The following RSRC1 variants were observed in gnomAD, a reference collection of about 807,000 sequenced individuals.
The protein encoded by RSRC1 is arginine and serine rich coiled-coil 1.
Under a neutral mutation model 49.1 loss-of-function variants are expected in RSRC1, and 39 were observed. The ratio of observed to expected loss-of-function variants is 0.79; its 90% CI spans 0.61 to 1.04. The LOEUF (loss-of-function observed/expected upper bound fraction) is 1.04. RSRC1 is among the 50% of genes least tolerant of loss of function. The probability of loss-of-function intolerance (pLI) is 0.00; values close to 1 mark genes in which losing one functional copy is unlikely to be tolerated. For missense variants in RSRC1, 388 were observed against 402.4 expected, an observed-to-expected ratio of 0.96 and a Z score of 0.31; for synonymous variants, 143 against 130.8, an observed-to-expected ratio of 1.09 and a Z score of -0.63.
chr3:158,457,224 G>A (rs1215684595), intron 6 of RSRC1, among the ~76,000 whole-genome samples: 1 of 152,102 alleles, frequency 6.6e-6, no homozygotes, highest in Admixed American at 6.5e-5. Flanking sequence ...TGTGAGTATT[G>A]GCAATGAAAT....
intron 3 of RSRC1, among the ~76,000 whole-genome samples, chr3:158,176,887 A>G (rs890394747): frequency 2.0e-5 from 3 of 152,218 alleles, no homozygotes; most frequent in African/African-American, 7.2e-5. Flanking sequence ...AATTTTTGCA[A>G]TCTACCCATC....
chr3:158,197,285 G>T (rs1458411217), intron 3 of RSRC1, among the ~76,000 whole-genome samples: 1 of 152,138 alleles, frequency 6.6e-6, no homozygotes, highest in African/African-American at 2.4e-5. Context: ...TAGTTTATTT[G>T]CATAGAGGTG....
At chr3:158,370,573 G>A (rs767936669) in intron 6 of RSRC1, among the ~76,000 whole-genome samples, 1 of 151,678 alleles carries the variant, frequency 6.6e-6, no homozygotes, top group African/African-American at 2.4e-5. Context: ...TGTTCGTGTC[G>A]TTGTGAGCAT....
intron 6 of RSRC1, among the ~76,000 whole-genome samples, chr3:158,375,204 T>G (rs11718056): frequency 0.43 from 64,346 of 148,782 alleles, 14,788 homozygotes; most frequent in South Asian, 0.6. Context: ...TATTATTAAC[T>G]TATTTTTTTG....
intron 7 of RSRC1, among the ~76,000 whole-genome samples, chr3:158,475,720 A>G (rs908749467): frequency 8.5e-6 from 1 of 118,296 alleles, no homozygotes; most frequent in South Asian, 3.2e-4. Context: ...CTGACTGGCT[A>G]TTCCTCTCTC....
intron 5 of RSRC1, chr3:158,302,667 C>CTTTTTTTTTTTTTTTTT (rs58057548): frequency 1.0e-5 from 1 of 98,110 alleles, no homozygotes; most frequent in Admixed American, 1.4e-4. Context: ...TTTTTTCTTC[C>CTTTTTTTTTTTTTTTTT]TTTTTTTTTT....
chr3:158,242,611 TC>T (rs967867265), intron 4 of RSRC1, among the ~76,000 whole-genome samples: 14 of 152,206 alleles, frequency 9.2e-5, no homozygotes, highest in African/African-American at 3.4e-4. Flanking sequence ...TCTAGGTCTT[TC>T]AGGAGTTGCC....
intron 3 of RSRC1, among the ~76,000 whole-genome samples, chr3:158,154,257 C>T (rs1047598350): frequency 9.2e-5 from 14 of 152,062 alleles, no homozygotes; most frequent in Admixed American, 3.3e-4. Flanking sequence ...TTTGAGCCTT[C>T]GGTGAGTCAT....
intron 6 of RSRC1, among the ~76,000 whole-genome samples, chr3:158,361,200 G>C (rs1412552400): frequency 6.6e-6 from 1 of 152,174 alleles, no homozygotes; most frequent in African/African-American, 2.4e-5. Context: ...CATGGCCCCA[G>C]GCAGCCCTTG....
intron 6 of RSRC1, among the ~76,000 whole-genome samples, chr3:158,453,340 TCAATTTTGTCAGATAGGC>T (rs1375322145): frequency 1.3e-5 from 2 of 151,832 alleles, no homozygotes; most frequent in Non-Finnish European, 2.9e-5. Context: ...ATATGTATTT[TCAATTTTGTCAGATAGGC>T]CAAAAGTCTG....
intron 6 of RSRC1, among the ~76,000 whole-genome samples, chr3:158,419,867 C>G (rs2108335496): frequency 6.6e-6 from 1 of 151,152 alleles, no homozygotes; most frequent in East Asian, 2.0e-4. Flanking sequence ...AAGTACAGCA[C>G]TTGATATTAA....
At chr3:158,191,930 T>C (rs1017901642) in intron 3 of RSRC1, among the ~76,000 whole-genome samples, 12 of 152,074 alleles carry the variant, frequency 7.9e-5, no homozygotes, top group Non-Finnish European at 1.5e-5. Flanking sequence ...TTATTCAAAA[T>C]TGTGTAAAAT....
chr3:158,510,857 T>A (rs1243567160), intron 7 of RSRC1, among the ~76,000 whole-genome samples: 1 of 152,180 alleles, frequency 6.6e-6, no homozygotes, highest in Non-Finnish European at 1.5e-5. Context: ...ATCTTTGTTC[T>A]TCCATATGAA....
intron 5 of RSRC1, among the ~76,000 whole-genome samples, chr3:158,353,193 T>C (rs1334199814): frequency 6.6e-6 from 1 of 152,198 alleles, no homozygotes; most frequent in Non-Finnish European, 1.5e-5. Flanking sequence ...TGGAATTCAT[T>C]AATTGCCACC....
At chr3:158,214,377 G>A (rs1275962111) in intron 4 of RSRC1, among the ~76,000 whole-genome samples, 1 of 151,510 alleles carries the variant, frequency 6.6e-6, no homozygotes, top group Admixed American at 6.6e-5. Flanking sequence ...TATTGCTAGA[G>A]GATTTTTTGG....
At chr3:158,118,083 G>T (rs1256117371) in intron 1 of RSRC1, among the ~76,000 whole-genome samples, 3 of 151,944 alleles carry the variant, frequency 2.0e-5, no homozygotes, top group Non-Finnish European at 4.4e-5. Flanking sequence ...CTGAGTAGCT[G>T]GTACTACAAG....
intron 6 of RSRC1, among the ~76,000 whole-genome samples, chr3:158,460,466 A>G (rs1330676492): frequency 1.3e-5 from 2 of 151,882 alleles, no homozygotes; most frequent in Non-Finnish European, 3.0e-5. Flanking sequence ...CATAACATGA[A>G]TAAAGAACCA....
intron 6 of RSRC1, among the ~76,000 whole-genome samples, chr3:158,384,783 A>C (rs1023457087): frequency 6.6e-6 from 1 of 152,138 alleles, no homozygotes; most frequent in Non-Finnish European, 1.5e-5. Context: ...TTGTCCCTTC[A>C]GTGTCTTCTG....
intron 4 of RSRC1, among the ~76,000 whole-genome samples, chr3:158,289,340 TC>T (rs1313484398): frequency 1.3e-5 from 2 of 152,220 alleles, no homozygotes; most frequent in African/African-American, 4.8e-5. Context: ...GTGTTCAGCT[TC>T]CCATTGGAAT....
Sources: allele counts gnomAD v4.1 joint callset (sites outside exome capture counted in the v4.1 genomes callset), GRCh38; gene constraint gnomAD v4.1.1; transcripts MANE v1.5; gene names NCBI Gene and HGNC (gene_info 2026-07-23, HGNC 2026-07-21).